ARMH3: variants seen among roughly 807,000 people sequenced by gnomAD.
ARMH3 encodes the protein armadillo like helical domain containing 3.
ARMH3 carries 60 observed loss-of-function variants against 99.1 expected under a neutral mutation model. The ratio of observed to expected loss-of-function variants is 0.61; its 90% CI spans 0.49 to 0.75. ARMH3 has a LOEUF of 0.75. Among genes scored for constraint, ARMH3 ranks in the 30% least tolerant of loss-of-function variants. ARMH3 has a pLI of 0.00. For missense variants in ARMH3, 679 were observed against 843.1 expected, an observed-to-expected ratio of 0.81 and a Z score of 2.41; for synonymous variants, 285 against 292.8, an observed-to-expected ratio of 0.97 and a Z score of 0.27.
chr10:101,886,600 C>T (rs1246381816), intron 24 of ARMH3, among the ~76,000 whole-genome samples: 1 of 152,126 alleles, frequency 6.6e-6, no homozygotes, highest in African/African-American at 2.4e-5. Flanking sequence ...AAGCCAATGA[C>T]AATTAACAAA....
chr10:101,889,923 A>T (rs2067647147), intron 23 of ARMH3, among the ~76,000 whole-genome samples: 1 of 152,190 alleles, frequency 6.6e-6, no homozygotes, highest in Admixed American at 6.5e-5. Flanking sequence ...CAATCTTCAT[A>T]CTTGTTAGTA....
In ARMH3 at chr10:101,992,036, A is replaced by T. The variant is rs1846821978; in HGVS notation, c.1278T>A (p.Pro426=). 1.9e-6 allele frequency: 3 copies of T among 1,614,042 alleles called. No individual in the cohort carries two copies. Among genetic ancestry groups the T allele is most frequent in the Non-Finnish European group, 2.5e-6 (3 of 1,179,906 alleles). Residue 426 remains proline (P), a splice_region_variant and synonymous_variant, in exon 18 of 26, where the codon CCT becomes CCA. Transcript: ENST00000370033. Reference sequence around the variant, plus strand: ...CTGCTGCCTTCTTCCTGTGTCTCATAGGCTTCACACCAAAAAAATGAAGAA... The same window carrying T: ...CTGCTGCCTTCTTCCTGTGTCTCATTGGCTTCACACCAAAAAAATGAAGAA... ...MNFRVNLHRM[P]MRHRKKAADK...
chr10:102,004,476 T>G (rs1326000642), intron 14 of ARMH3, among the ~76,000 whole-genome samples: 1 of 152,188 alleles, frequency 6.6e-6, no homozygotes, highest in African/African-American at 2.4e-5. Flanking sequence ...GCTGACTTGA[T>G]CTTCCCACTA....
intron 10 of ARMH3, 130 bp from the exon 11 acceptor site, chr10:102,011,913 A>G (rs2066638244): frequency 1.5e-6 from 1 of 662,964 alleles, no homozygotes; most frequent in Non-Finnish European, 2.5e-6. Context: ...CATTATGACA[A>G]TCAAGCATCA....
intron 24 of ARMH3, among the ~76,000 whole-genome samples, chr10:101,879,329 A>AT (rs1389678975): frequency 6.6e-6 from 1 of 151,906 alleles, no homozygotes; most frequent in Non-Finnish European, 1.5e-5. Flanking sequence ...TGATAAGTAC[A>AT]TCTACCCCAA....
intron 23 of ARMH3, among the ~76,000 whole-genome samples, chr10:101,892,114 C>T (rs1445962864): frequency 6.6e-6 from 1 of 150,732 alleles, no homozygotes; most frequent in Non-Finnish European, 1.5e-5. Flanking sequence ...CCTGTCTCCC[C>T]GCAAAAAACC....
At chr10:102,031,556 A>T (rs888224201) in intron 4 of ARMH3, among the ~76,000 whole-genome samples, 2 of 152,236 alleles carry the variant, frequency 1.3e-5, no homozygotes, top group Non-Finnish European at 2.9e-5. Context: ...GCCAAAAGTT[A>T]ACAAAGCTAT....
At chr10:101,907,348 C>T (rs1435457903) in intron 23 of ARMH3, among the ~76,000 whole-genome samples, 4 of 151,476 alleles carry the variant, frequency 2.6e-5, no homozygotes, top group Admixed American at 6.6e-5. Context: ...TGAATAGAAG[C>T]TCAGGAACTG....
chr10:102,013,872 A>C, intron 9 of ARMH3, 96 bp downstream of exon 9: 1 of 1,038,806 alleles, frequency 9.6e-7, no homozygotes, highest in Non-Finnish European at 1.4e-6. Flanking sequence ...AATTGACAGA[A>C]TAGCTCTCTG....
At chr10:101,898,709 T>C (rs993569889) in intron 23 of ARMH3, among the ~76,000 whole-genome samples, 35 of 152,302 alleles carry the variant, frequency 2.3e-4, no homozygotes, top group African/African-American at 7.9e-4. Flanking sequence ...CACACATATA[T>C]GTATGTATAT....
intron 19 of ARMH3, among the ~76,000 whole-genome samples, chr10:101,989,013 T>G (rs1403347588): frequency 6.6e-6 from 1 of 151,150 alleles, no homozygotes; most frequent in African/African-American, 2.4e-5. Context: ...GGCCTGGCAC[T>G]GCAATGGGCT....
At chr10:102,050,431 G>C (rs978075626) in intron 1 of ARMH3, among the ~76,000 whole-genome samples, 1 of 152,126 alleles carries the variant, frequency 6.6e-6, no homozygotes, top group Non-Finnish European at 1.5e-5. Flanking sequence ...CCCAGCCTGG[G>C]CAACAGAGCA....
At chr10:102,024,885 G>A (rs2066967306) in intron 6 of ARMH3, among the ~76,000 whole-genome samples, 1 of 151,640 alleles carries the variant, frequency 6.6e-6, no homozygotes, top group Non-Finnish European at 1.5e-5. Context: ...ATAAGGACAA[G>A]TCTGACAACC....
In ARMH3 at chr10:102,044,266, G is replaced by A. The variant is rs144836076; in HGVS notation, c.-11-4141C>T. Among the ~76,000 whole-genome samples, 1,418 of 151,786 alleles carry A rather than the reference G, an allele frequency of 9.3e-3. 18 individuals are homozygous for A. Among genetic ancestry groups the A allele is most frequent in the African/African-American group, 0.032 (1,344 of 41,386 alleles). ...ATTTTGTTGTATTTTTAGTAGAGAC[G>A]GAGTTTCACCATGTTAGCCAGGATG... On this transcript the variant is annotated intron_variant, in intron 1 of 25. Coordinates refer to ENST00000370033, the MANE Select transcript of ARMH3 (RefSeq NM_024541.3).
chr10:101,992,035 T>C lies in ARMH3; in HGVS notation c.1279A>G (p.Met427Val). ...TCTGCTGCCTTCTTCCTGTGTCTCA[T>C]AGGCTTCACACCAAAAAAATGAAGA... is the stretch of plus-strand genomic sequence containing the variant. ...NFRVNLHRMP[M>V]RHRKKAADKN... Residue 427 changes from methionine to valine, a missense_variant, in exon 18 of 26, where the codon ATG becomes GTG. By Grantham distance (21) the Met-to-Val change is conservative (BLOSUM62 1). Around this residue, in one of 3 missense-constraint regions of ARMH3, gnomAD observed 389 missense variants for 456.5 expected, o/e 0.85. Transcript: ENST00000370033. 1.9e-6 allele frequency: 3 copies of C among 1,614,014 alleles called. No individual in the cohort carries two copies. Among genetic ancestry groups the C allele is most frequent in the Non-Finnish European group, 2.5e-6 (3 of 1,179,906 alleles).
At chr10:101,928,865 G>C (rs1393894451) in intron 23 of ARMH3, among the ~76,000 whole-genome samples, 1 of 152,044 alleles carries the variant, frequency 6.6e-6, no homozygotes. Context: ...CGAGGAGCTG[G>C]GATTACAAGC....
At chr10:101,850,273 T>G (rs2066564724) in intron 24 of ARMH3, among the ~76,000 whole-genome samples, 1 of 151,290 alleles carries the variant, frequency 6.6e-6, no homozygotes, top group Admixed American at 6.6e-5. Context: ...GTTTTTTATA[T>G]GTTTTAGTAG....
intron 22 of ARMH3, among the ~76,000 whole-genome samples, chr10:101,950,380 CAG>C (rs1269500419): frequency 6.6e-6 from 1 of 152,202 alleles, no homozygotes; most frequent in African/African-American, 2.4e-5. Context: ...GACAGTCAAA[CAG>C]TGTGGCAGTT....
intron 24 of ARMH3, among the ~76,000 whole-genome samples, chr10:101,862,975 G>A (rs1286115312): frequency 6.6e-6 from 1 of 152,074 alleles, no homozygotes; most frequent in East Asian, 1.9e-4. Context: ...AGGCAGAGGC[G>A]GGTGGATCAC....
Sources: gnomAD v4.1 joint callset for allele counts (sites outside exome capture counted in the v4.1 genomes callset) on GRCh38, gnomAD v4.1.1 for gene constraint, gnomAD v4.1.1 regional missense constraint, MANE v1.5 for transcripts, NCBI Gene and HGNC (gene_info 2026-07-23, HGNC 2026-07-21) for gene names.